Variants in MCM9 observed in about 807,000 individuals in gnomAD.
The protein encoded by MCM9 is DNA helicase MCM9.
A neutral mutation model predicts 72.8 loss-of-function variants in MCM9; 55 were observed. The ratio of observed to expected loss-of-function variants is 0.76; its 90% CI spans 0.61 to 0.95. The LOEUF (loss-of-function observed/expected upper bound fraction) is 0.95. Ranked by LOEUF, MCM9 falls within the 40% of genes least tolerant of loss-of-function variation. The pLI is 0.00. For synonymous variants in MCM9, 480 were observed against 503.4 expected (o/e 0.95, Z 0.62); for missense variants, 1,279 against 1,377.0 (o/e 0.93, Z 1.13).
chr6:118,894,821 C>T (rs776150358), intron 8 of MCM9, among the ~76,000 whole-genome samples: 3 of 152,226 alleles, frequency 2.0e-5, no homozygotes, highest in Non-Finnish European at 4.4e-5. Context: ...CTCGCTCCCG[C>T]TGCGCCGCCT....
At chr6:118,819,369 T>C (rs1773635939) in intron 13 of MCM9, among the ~76,000 whole-genome samples, 1 of 152,216 alleles carries the variant, frequency 6.6e-6, no homozygotes, top group African/African-American at 2.4e-5. Flanking sequence ...CTGCATCTAT[T>C]GAGATAATCA....
intron 9 of MCM9, among the ~76,000 whole-genome samples, chr6:118,832,672 A>C (rs977056083): frequency 1.3e-5 from 2 of 152,260 alleles, no homozygotes; most frequent in African/African-American, 4.8e-5. Flanking sequence ...CAAACACAGT[A>C]GTAACTGTTC....
chr6:118,890,309 GTAC>G lies in MCM9; in HGVS notation c.1150+21338_1150+21340del, dbSNP rs567649885. On this transcript the variant is annotated intron_variant, in intron 8 of 13. Transcript: ENST00000619706. ...ACTTGACATGGTAGAGAGTACAAAG[GTAC>G]TAGGACAGCCATCAGAGGAATGGGT... is the stretch of plus-strand genomic sequence containing the variant. 6.5e-3 allele frequency among the ~76,000 whole-genome samples: 995 copies of G among 152,266 alleles called. 7 individuals carry two copies. Among genetic ancestry groups the G allele is most frequent in the African/African-American group, 0.022 (926 of 41,542 alleles).
chr6:118,815,829 T>A lies in MCM9; in HGVS notation c.2427A>T (p.Pro809=). The change falls in exon 14 of 14, where the codon CCA becomes CCT. Residue 809 remains proline, a synonymous_variant. Transcript: ENST00000619706. ...TACTTTCCACATTGTCTGCCCTCCATGGAACACCTGTCTCTCCTGGTGATG... is the reference window on the plus strand; with the variant it reads ...TACTTTCCACATTGTCTGCCCTCCAAGGAACACCTGTCTCTCCTGGTGATG... The part of the protein sequence containing the change: ...LLPSPGETGV[P]WRADNVESNK... 1 of 1,539,534 alleles carries A rather than the reference T, an allele frequency of 6.5e-7. No individual in the cohort carries two copies. The highest frequency in any genetic ancestry group is 1.2e-5 in the South Asian group (1 of 84,064).
intron 8 of MCM9, among the ~76,000 whole-genome samples, chr6:118,860,880 C>G (rs1040397916): frequency 4.6e-5 from 7 of 152,196 alleles, no homozygotes; most frequent in African/African-American, 1.7e-4. Flanking sequence ...CATCATGTCA[C>G]AGGATCCTTA....
chr6:118,860,042 A>G (rs1421373836), intron 8 of MCM9, among the ~76,000 whole-genome samples: 2 of 152,244 alleles, frequency 1.3e-5, no homozygotes. Context: ...CATATTAACC[A>G]CAATTTTCCT....
chr6:118,927,144 G>T (rs917435936), intron 3 of MCM9, among the ~76,000 whole-genome samples: 13 of 152,246 alleles, frequency 8.5e-5, no homozygotes, highest in African/African-American at 3.1e-4. Context: ...TTCTGCTTCA[G>T]ATGCAAATTG....
chr6:118,893,534 C>G (rs1779093856), intron 8 of MCM9, among the ~76,000 whole-genome samples: 2 of 152,128 alleles, frequency 1.3e-5, no homozygotes, highest in Admixed American at 1.3e-4. Context: ...ATTTTCCAAG[C>G]ACAGTGTGTA....
intron 9 of MCM9, among the ~76,000 whole-genome samples, chr6:118,832,416 T>C (rs1320566049): frequency 6.6e-6 from 1 of 152,228 alleles, no homozygotes; most frequent in Non-Finnish European, 1.5e-5. Flanking sequence ...TTTATTGTTA[T>C]AATCCTCACA....
Position 118,847,438 on chromosome 6 carries a change from AAAG to A in MCM9, c.1325+8930_1325+8932del, listed in dbSNP as rs1167658254. On this transcript the variant is annotated intron_variant, in intron 9 of 13. Coordinates refer to ENST00000619706, the MANE Select transcript of MCM9 (RefSeq NM_017696.3). ...ATGAATCTTCAAAAAAAAAAAAAAAAAAGAAATTAACATTTGAATCTAAGGTGT... is the reference window on the plus strand; with the variant it reads ...ATGAATCTTCAAAAAAAAAAAAAAAAAAATTAACATTTGAATCTAAGGTGT... Among the ~76,000 whole-genome samples, 958 of 150,490 alleles carry A rather than the reference AAAG, an allele frequency of 6.4e-3. 16 individuals carry two copies. The highest frequency in any genetic ancestry group is 0.022 in the African/African-American group (877 of 40,422).
chr6:118,901,836 C>T (rs1007155877), intron 8 of MCM9, among the ~76,000 whole-genome samples: 5 of 152,146 alleles, frequency 3.3e-5, no homozygotes, highest in African/African-American at 9.7e-5. Flanking sequence ...TCTAACTCTT[C>T]CTATGCCTGA....
At chr6:118,819,199 G>A (rs1773619322) in intron 13 of MCM9, among the ~76,000 whole-genome samples, 1 of 152,164 alleles carries the variant, frequency 6.6e-6, no homozygotes, top group African/African-American at 2.4e-5. Context: ...TCTTGTGCCA[G>A]TTTTCAAGGG....
At chr6:118,929,188 C>T (rs1188025184) in intron 3 of MCM9, among the ~76,000 whole-genome samples, 1 of 152,200 alleles carries the variant, frequency 6.6e-6, no homozygotes, top group Non-Finnish European at 1.5e-5. Context: ...TCACTGGACT[C>T]CAGCCTGGAC....
intron 8 of MCM9, among the ~76,000 whole-genome samples, chr6:118,895,599 T>G (rs1779340833): frequency 6.6e-6 from 1 of 152,206 alleles, no homozygotes; most frequent in African/African-American, 2.4e-5. Context: ...GTATTTTTTC[T>G]ACATATATTT....
chr6:118,821,070 T>G (rs1239560961), intron 13 of MCM9, among the ~76,000 whole-genome samples: 1 of 152,194 alleles, frequency 6.6e-6, no homozygotes, highest in Admixed American at 6.5e-5. Flanking sequence ...GTCTTGACTC[T>G]TTATCCAATT....
intron 13 of MCM9, among the ~76,000 whole-genome samples, chr6:118,824,598 C>T (rs756108869): frequency 2.0e-5 from 3 of 152,118 alleles, no homozygotes; most frequent in South Asian, 2.1e-4. Context: ...TGTGAGCCAC[C>T]GTGCCCCGCC....
At chr6:118,929,740 G>C (rs78955236) in intron 3 of MCM9, among the ~76,000 whole-genome samples, 1 of 152,146 alleles carries the variant, frequency 6.6e-6, no homozygotes, top group African/African-American at 2.4e-5. Flanking sequence ...TGGGAGGCCA[G>C]AGGAGGAGGA....
rs117293145 is a variant in MCM9, at chr6:118,815,690, C to A, written c.2566G>T (p.Ala856Ser). 9 of 1,548,496 alleles carry A rather than the reference C, an allele frequency of 5.8e-6. No individual in the cohort carries two copies. The South Asian group carries it at 1.1e-4, about 18-fold the overall frequency. ...GTGCTATTTCTGCACAACTTCTGGG[C>A]CCTCTCTTTGCACAGCTTCTGCAGG... ...RNLQKLCKER[A>S]QKLCRNSTRV... The change falls in exon 14 of 14, where the codon GCC (alanine) becomes TCC (serine). Residue 856 changes from alanine to serine, a missense_variant. Coordinates refer to ENST00000619706, the MANE Select transcript of MCM9 (RefSeq NM_017696.3).
chr6:118,894,137 TGGA>T (rs1224023840), intron 8 of MCM9: 82 of 1,210,398 alleles, frequency 6.8e-5, no homozygotes, highest in South Asian at 2.8e-4. Context: ...AGGCCCTCGC[TGGA>T]GGAGGAGGGT....
Sources: gnomAD v4.1 joint callset for allele counts (sites outside exome capture counted in the v4.1 genomes callset) on GRCh38, gnomAD v4.1.1 for gene constraint, MANE v1.5 for transcripts, NCBI Gene and HGNC (gene_info 2026-07-23, HGNC 2026-07-21) for gene names.